RCSD1: variants seen among roughly 807,000 people sequenced by gnomAD.
RCSD1 encodes the protein RCSD domain containing 1.
Under a neutral mutation model 42.5 loss-of-function variants are expected in RCSD1, and 26 were observed. The ratio of observed to expected loss-of-function variants is 0.61; its 90% confidence interval spans 0.45 to 0.85. RCSD1 has a LOEUF of 0.85. RCSD1 is among the 40% of genes least tolerant of loss of function. The pLI is 0.00. For synonymous variants in RCSD1, 220 were observed against 212.2 expected (o/e 1.04, Z -0.32); for missense variants, 571 against 528.3 (o/e 1.08, Z -0.79).
At chr1:167,663,426 C>T (rs1658583034) in intron 1 of RCSD1, 1 of 152,458 alleles carries the variant, frequency 6.6e-6, no homozygotes, top group Non-Finnish European at 1.5e-5. Context: ...CCCTCCCCAA[C>T]CTGCAGAAGC....
intron 1 of RCSD1, among the ~76,000 whole-genome samples, chr1:167,654,234 C>T (rs771375611): frequency 5.9e-5 from 9 of 152,104 alleles, no homozygotes; most frequent in African/African-American, 2.2e-4. Context: ...AGGAGCTGAG[C>T]GACAAAGAAG....
At chr1:167,696,337 T>C (rs1002518873) in intron 5 of RCSD1, among the ~76,000 whole-genome samples, 2 of 151,858 alleles carry the variant, frequency 1.3e-5, no homozygotes, top group Non-Finnish European at 1.5e-5. Flanking sequence ...AAAGTCTGAC[T>C]CTTATGCAAA....
intron 1 of RCSD1, among the ~76,000 whole-genome samples, chr1:167,682,770 C>T (rs1292111388): frequency 6.7e-6 from 1 of 150,002 alleles, no homozygotes; most frequent in East Asian, 1.9e-4. Flanking sequence ...ACCACAAGAG[C>T]CAGGGAAAGG....
intron 1 of RCSD1, among the ~76,000 whole-genome samples, chr1:167,632,269 G>A (rs74119892): frequency 2.0e-3 from 301 of 152,314 alleles, no homozygotes; most frequent in African/African-American, 6.9e-3. Context: ...TAGGCCCCAG[G>A]CTGCAGATTC....
intron 4 of RCSD1, among the ~76,000 whole-genome samples, chr1:167,692,023 T>C (rs1008949655): frequency 6.6e-6 from 1 of 152,172 alleles, no homozygotes; most frequent in South Asian, 2.1e-4. Flanking sequence ...TACCAAATGT[T>C]CTGTACCCTG....
chr1:167,688,083 C>G (rs187027763), intron 3 of RCSD1, among the ~76,000 whole-genome samples: 10 of 152,294 alleles, frequency 6.6e-5, no homozygotes, highest in Admixed American at 2.6e-4. Context: ...CCTTGTTAAA[C>G]CGTAAGGGAA....
intron 3 of RCSD1, among the ~76,000 whole-genome samples, chr1:167,689,289 C>T (rs999793868): frequency 6.6e-6 from 1 of 152,060 alleles, no homozygotes; most frequent in Non-Finnish European, 1.5e-5. Flanking sequence ...CGAGACCAAC[C>T]TGGCCAACAT....
intron 4 of RCSD1, 114 bp from the exon 5 acceptor site, chr1:167,693,985 A>G (rs1364321528): frequency 1.1e-6 from 1 of 915,248 alleles, no homozygotes; most frequent in Non-Finnish European, 1.7e-6. Flanking sequence ...TAGCATGAAA[A>G]GCCTGGTGTT....
chr1:167,645,094 G>A (rs1658102030), intron 1 of RCSD1, among the ~76,000 whole-genome samples: 1 of 152,172 alleles, frequency 6.6e-6, no homozygotes, highest in African/African-American at 2.4e-5. Context: ...TTAATGACTT[G>A]GATGAAAAAT....
intron 1 of RCSD1, among the ~76,000 whole-genome samples, chr1:167,670,813 C>G (rs898641388): frequency 6.6e-6 from 1 of 152,140 alleles, no homozygotes; most frequent in African/African-American, 2.4e-5. Context: ...TCCACCCTGC[C>G]CCACCCATCA....
At chr1:167,640,322 G>A (rs866472819) in intron 1 of RCSD1, 2 of 152,396 alleles carry the variant, frequency 1.3e-5, no homozygotes, top group Middle Eastern at 3.4e-3. Context: ...TTTGGCTCCT[G>A]GTGGTTGCCA....
At chr1:167,702,415 T>C (rs1018495260) in intron 6 of RCSD1, among the ~76,000 whole-genome samples, 1 of 152,244 alleles carries the variant, frequency 6.6e-6, no homozygotes, top group Non-Finnish European at 1.5e-5. Flanking sequence ...CTTAGGATTC[T>C]GTTTATAAGG....
At chr1:167,652,378 G>T (rs1444980934) in intron 1 of RCSD1, among the ~76,000 whole-genome samples, 2 of 152,082 alleles carry the variant, frequency 1.3e-5, no homozygotes, top group Non-Finnish European at 2.9e-5. Context: ...ATCTAGCCTG[G>T]AGAGGATTTA....
At position 167,697,543 on chromosome 1, in the gene RCSD1, G is replaced by A. The variant is rs1312856695; in HGVS notation, c.919G>A (p.Glu307Lys). The change falls in exon 6 of 7, where the codon GAG becomes AAG. Residue 307 changes from glutamate to lysine, a missense_variant. Transcript: ENST00000367854. ...CCCCAGGGAGGAAAAGCCAGCTGGA[G>A]AGGAAGCAGAGATGGAAAAGGCTAC... is the stretch of plus-strand genomic sequence containing the variant. ...GSPREEKPAG[E>K]EAEMEKATEV... 1.9e-6 allele frequency: 3 copies of A among 1,606,404 alleles called. No individual in the cohort carries two copies. Among genetic ancestry groups the A allele is most frequent in the Non-Finnish European group, 2.5e-6 (3 of 1,176,536 alleles).
At chr1:167,669,733 C>T (rs1658755730) in intron 1 of RCSD1, among the ~76,000 whole-genome samples, 1 of 152,126 alleles carries the variant, frequency 6.6e-6, no homozygotes, top group Non-Finnish European at 1.5e-5. Flanking sequence ...GACTGATGGT[C>T]CTCTCCTGTC....
chr1:167,676,534 G>C (rs548850817), intron 1 of RCSD1, among the ~76,000 whole-genome samples: 3 of 152,156 alleles, frequency 2.0e-5, no homozygotes, highest in African/African-American at 4.8e-5. Flanking sequence ...ACCCCCACCA[G>C]ACTCAAAATA....
intron 1 of RCSD1, among the ~76,000 whole-genome samples, chr1:167,681,004 A>G (rs946838927): frequency 6.6e-6 from 1 of 152,138 alleles, no homozygotes; most frequent in African/African-American, 2.4e-5. Flanking sequence ...CACACTGGAG[A>G]GGGGTTAGCA....
intron 6 of RCSD1, among the ~76,000 whole-genome samples, chr1:167,703,328 G>C (rs189319819): frequency 1.2e-3 from 185 of 152,122 alleles, no homozygotes; most frequent in Non-Finnish European, 1.7e-3. Context: ...TCAGCCCCGA[G>C]CATGACCAGC....
chr1:167,657,114 G>A (rs1658441122), intron 1 of RCSD1, among the ~76,000 whole-genome samples: 1 of 152,254 alleles, frequency 6.6e-6, no homozygotes, highest in African/African-American at 2.4e-5. Context: ...AGAGGATTAA[G>A]TGAGCCAGTG....
Sources: gnomAD v4.1 joint callset for allele counts (sites outside exome capture counted in the v4.1 genomes callset) on GRCh38, gnomAD v4.1.1 for gene constraint, MANE v1.5 for transcripts, NCBI Gene and HGNC (gene_info 2026-07-23, HGNC 2026-07-21) for gene names.